The following DPP10 variants were observed in gnomAD, a reference collection of about 807,000 sequenced individuals.
DPP10 encodes dipeptidyl peptidase like 10, also known as inactive dipeptidyl peptidase 10.
DPP10 carries 33 observed loss-of-function variants against 120.9 expected under a neutral mutation model. The observed-to-expected ratio is 0.27, with a 90% confidence interval of 0.21 to 0.37. DPP10 has a LOEUF of 0.37. Among genes scored for constraint, DPP10 ranks in the 10% least tolerant of loss-of-function variants. The pLI is 1.00. For missense variants in DPP10, 816 were observed against 942.8 expected (o/e 0.87, Z 1.76); for synonymous variants, 337 against 326.1 (o/e 1.03, Z -0.36).
chr2:114,665,912 T>C (rs1697889337), intron 1 of DPP10, among the ~76,000 whole-genome samples: 1 of 152,338 alleles, frequency 6.6e-6, no homozygotes, highest in South Asian at 2.1e-4. Flanking sequence ...CAGACTTGCC[T>C]ATACTTGCAG....
At chr2:115,698,776 A>G (rs892148977) in intron 7 of DPP10, among the ~76,000 whole-genome samples, 9 of 152,146 alleles carry the variant, frequency 5.9e-5, no homozygotes, top group African/African-American at 1.7e-4. Flanking sequence ...TATAAACTGC[A>G]CTGTCTTTGG....
intron 3 of DPP10, among the ~76,000 whole-genome samples, chr2:115,476,472 A>C (rs189135200): frequency 1.3e-5 from 2 of 152,302 alleles, no homozygotes; most frequent in African/African-American, 2.4e-5. Context: ...TCAGGTATTT[A>C]TTTGTAGCAG....
chr2:114,688,413 C>G (rs1014080735), intron 1 of DPP10, among the ~76,000 whole-genome samples: 1 of 151,876 alleles, frequency 6.6e-6, no homozygotes, highest in East Asian at 1.9e-4. Flanking sequence ...TACAGTGACT[C>G]AGGCAGTGGT....
chr2:115,005,857 A>T (rs1484268271), intron 1 of DPP10, among the ~76,000 whole-genome samples: 3 of 152,210 alleles, frequency 2.0e-5, no homozygotes, highest in Non-Finnish European at 4.4e-5. Flanking sequence ...GATTCAGGAA[A>T]TACAGAGAAC....
At chr2:115,595,638 T>C (rs532483797) in intron 5 of DPP10, among the ~76,000 whole-genome samples, 1 of 152,200 alleles carries the variant, frequency 6.6e-6, no homozygotes, top group Admixed American at 6.5e-5. Flanking sequence ...AAATTCCTTT[T>C]TTAACATTAA....
intron 17 of DPP10, among the ~76,000 whole-genome samples, chr2:115,785,836 T>TC (rs1553508476): frequency 1.9e-5 from 2 of 105,964 alleles, no homozygotes; most frequent in Admixed American, 2.3e-4. Context: ...AGCTCTGATG[T>TC]GGGTTTTTTT....
chr2:115,538,238 G>C (rs1244215089), intron 5 of DPP10, among the ~76,000 whole-genome samples: 1 of 151,970 alleles, frequency 6.6e-6, no homozygotes, highest in Non-Finnish European at 1.5e-5. Context: ...AGGAAATCAC[G>C]ATAGAGTTCT....
chr2:115,652,409 ATGTG>A (rs71394158), intron 5 of DPP10, among the ~76,000 whole-genome samples: 184 of 145,378 alleles, frequency 1.3e-3, no homozygotes, highest in South Asian at 8.2e-3. Context: ...TAGGATATAT[ATGTG>A]TGTGTGTGTG....
At position 115,210,481 on chromosome 2, in the gene DPP10, G is replaced by A. The variant is rs1315534363; in HGVS notation, c.61-98758G>A. On this transcript the variant is annotated intron_variant, in intron 1 of 25. Coordinates refer to ENST00000410059, the MANE Select transcript of DPP10 (RefSeq NM_020868.6). Reference sequence around the variant, plus strand: ...TTGTGAATAGTGCCGCAATAAACGTGTGTGCTTGTGTCTTTATAGCAGCAT... The same window carrying A: ...TTGTGAATAGTGCCGCAATAAACGTATGTGCTTGTGTCTTTATAGCAGCAT... Among the ~76,000 whole-genome samples the A allele has an allele frequency of 3.3e-5, 5 of 151,106 alleles. No individual in the cohort carries two copies. The South Asian group carries it at 8.4e-4, about 25-fold the overall frequency.
In DPP10 at chr2:114,444,592, T is replaced by C. The variant is rs113947130; in HGVS notation, c.60+1754T>C. On this transcript the variant is annotated intron_variant, in intron 1 of 25. Coordinates refer to ENST00000410059, the MANE Select transcript of DPP10 (RefSeq NM_020868.6). The stretch of plus-strand genomic sequence containing the variant: ...ACTGTGGAACAGAAAAAAAAATGTT[T>C]CTAGTGTAGAGGTTTTACATCATCT... 5.5e-3 allele frequency among the ~76,000 whole-genome samples: 832 copies of C among 152,318 alleles called. 8 individuals are homozygous for C. The highest frequency in any genetic ancestry group is 0.018 in the African/African-American group (764 of 41,580).
intron 1 of DPP10, among the ~76,000 whole-genome samples, chr2:114,809,808 A>G (rs1297539969): frequency 6.6e-6 from 1 of 152,100 alleles, no homozygotes; most frequent in African/African-American, 2.4e-5. Context: ...CTGCATTTCT[A>G]ACAAATCCCC....
chr2:115,616,446 G>A (rs1353859544), intron 5 of DPP10, among the ~76,000 whole-genome samples: 1 of 150,886 alleles, frequency 6.6e-6, no homozygotes, highest in Non-Finnish European at 1.5e-5. Context: ...TCTAATCTAA[G>A]TCAGAATCTA....
chr2:115,634,085 A>C (rs1337542915), intron 5 of DPP10, among the ~76,000 whole-genome samples: 2 of 151,870 alleles, frequency 1.3e-5, no homozygotes, highest in Admixed American at 6.6e-5. Flanking sequence ...TCAGTTATTG[A>C]TACTTGTATT....
At chr2:114,626,771 T>C (rs893350615) in intron 1 of DPP10, among the ~76,000 whole-genome samples, 1 of 152,114 alleles carries the variant, frequency 6.6e-6, no homozygotes, top group Non-Finnish European at 1.5e-5. Context: ...ATCGGAAATT[T>C]TAAAAAATCA....
chr2:115,282,441 G>T (rs1402898937), intron 1 of DPP10, among the ~76,000 whole-genome samples: 2 of 151,944 alleles, frequency 1.3e-5, no homozygotes, highest in South Asian at 2.1e-4. Flanking sequence ...TCTGAAAATA[G>T]AATTAAAAAC....
intron 1 of DPP10, among the ~76,000 whole-genome samples, chr2:114,579,817 A>G (rs914273676): frequency 4.1e-5 from 6 of 148,076 alleles, no homozygotes; most frequent in Admixed American, 1.3e-4. Flanking sequence ...CACCATCATA[A>G]AAATGCCTTT....
At chr2:115,288,320 G>A (rs1047610706) in intron 1 of DPP10, among the ~76,000 whole-genome samples, 2 of 151,606 alleles carry the variant, frequency 1.3e-5, no homozygotes, top group African/African-American at 4.8e-5. Flanking sequence ...TTGGCCATTT[G>A]TATAACTTCT....
At chr2:115,619,989 A>C (rs1432816261) in intron 5 of DPP10, among the ~76,000 whole-genome samples, 2 of 152,250 alleles carry the variant, frequency 1.3e-5, no homozygotes, top group Non-Finnish European at 2.9e-5. Flanking sequence ...TTTGCCCTCA[A>C]AATAAAGTAG....
chr2:115,770,280 G>T (rs1489642580), intron 13 of DPP10, among the ~76,000 whole-genome samples: 1 of 152,050 alleles, frequency 6.6e-6, no homozygotes, highest in Non-Finnish European at 1.5e-5. Context: ...GCCTAGGGAA[G>T]AAATACCTTC....
Sources: gnomAD v4.1 joint callset for allele counts (sites outside exome capture counted in the v4.1 genomes callset) on GRCh38, gnomAD v4.1.1 for gene constraint, MANE v1.5 for transcripts, NCBI Gene and HGNC (gene_info 2026-07-23, HGNC 2026-07-21) for gene names.